KCNIP4: variants seen among roughly 807,000 people sequenced by gnomAD.
KCNIP4 encodes the protein Kv channel-interacting protein 4.
KCNIP4 carries 12 observed loss-of-function variants against 34.0 expected under a neutral mutation model. The ratio of observed to expected loss-of-function variants is 0.35; its 90% CI spans 0.23 to 0.57. The LOEUF (loss-of-function observed/expected upper bound fraction) is 0.57. KCNIP4 is among the 20% of genes least tolerant of loss of function. The pLI, the probability that KCNIP4 is intolerant of heterozygous loss-of-function variation, is 0.83. For synonymous variants in KCNIP4, 124 were observed against 102.2 expected, an observed-to-expected ratio of 1.21 and a Z score of -1.29; for missense variants, 238 against 311.7, an observed-to-expected ratio of 0.76 and a Z score of 1.78.
intron 1 of KCNIP4, among the ~76,000 whole-genome samples, chr4:21,779,273 G>T (rs536110575): frequency 3.3e-5 from 5 of 152,038 alleles, no homozygotes; most frequent in African/African-American, 1.2e-4. Context: ...AAAACAGGGC[G>T]GCAAGGATGA....
intron 3 of KCNIP4, among the ~76,000 whole-genome samples, chr4:20,805,842 A>G (rs1715008147): frequency 1.3e-5 from 2 of 152,210 alleles, no homozygotes; most frequent in South Asian, 2.1e-4. Flanking sequence ...ACCTGGTTCA[A>G]TAGTGGTATT....
At chr4:21,835,529 C>A (rs184860) in intron 1 of KCNIP4, among the ~76,000 whole-genome samples, 1 of 151,540 alleles carries the variant, frequency 6.6e-6, no homozygotes, top group African/African-American at 2.4e-5. Flanking sequence ...ATTAGGAGTG[C>A]GGAAAATGGT....
chr4:21,102,501 A>G (rs1180836310), intron 1 of KCNIP4, among the ~76,000 whole-genome samples: 1 of 152,164 alleles, frequency 6.6e-6, no homozygotes, highest in Non-Finnish European at 1.5e-5. Context: ...ACATAGAACC[A>G]TCTGGAATGC....
chr4:21,527,995 C>T (rs2108965316), intron 1 of KCNIP4, among the ~76,000 whole-genome samples: 1 of 152,220 alleles, frequency 6.6e-6, no homozygotes, highest in East Asian at 1.9e-4. Flanking sequence ...TTATGTATTC[C>T]TTACTTCCTG....
At chr4:21,575,093 A>G (rs1272099567) in intron 1 of KCNIP4, among the ~76,000 whole-genome samples, 1 of 152,196 alleles carries the variant, frequency 6.6e-6, no homozygotes, top group Non-Finnish European at 1.5e-5. Flanking sequence ...ATACTGCATA[A>G]CTTGTAAACA....
At position 21,259,918 on chromosome 4, in the gene KCNIP4, T is replaced by TGC. The variant is rs1159347869; in HGVS notation, c.62-377210_62-377209insGC. Among the ~76,000 whole-genome samples, 172 of 148,506 alleles carry TGC rather than the reference T, an allele frequency of 1.2e-3. 1 individual carries two copies. The highest frequency in any genetic ancestry group is 4.1e-3 in the African/African-American group (156 of 38,410). ...GTGTGTGTGTGTGTGTGTGTGTGTGTGTGCACGTGCGCTTATGTGCATTGT... is the reference window on the plus strand; with the variant it reads ...GTGTGTGTGTGTGTGTGTGTGTGTGTGCGTGCACGTGCGCTTATGTGCATTGT... On this transcript the variant is annotated intron_variant, in intron 1 of 8. Transcript: ENST00000382152.
intron 1 of KCNIP4, among the ~76,000 whole-genome samples, chr4:21,489,265 G>T (rs73252228): frequency 8.5e-6 from 1 of 117,878 alleles, no homozygotes; most frequent in Non-Finnish European, 1.7e-5. Flanking sequence ...GTAAAAGAAA[G>T]AAAGAAAAAG....
intron 1 of KCNIP4, among the ~76,000 whole-genome samples, chr4:21,638,747 C>T (rs1746403706): frequency 6.6e-6 from 1 of 152,312 alleles, no homozygotes; most frequent in South Asian, 2.1e-4. Flanking sequence ...TCTAGACACA[C>T]ATATTCTGTC....
chr4:21,587,273 A>G (rs570892325), intron 1 of KCNIP4, among the ~76,000 whole-genome samples: 1 of 152,180 alleles, frequency 6.6e-6, no homozygotes, highest in Admixed American at 6.6e-5. Flanking sequence ...CCATTTTCTC[A>G]TGTCAGAGAC....
chr4:21,262,829 G>A (rs1761558252), intron 1 of KCNIP4, among the ~76,000 whole-genome samples: 1 of 152,076 alleles, frequency 6.6e-6, no homozygotes, highest in South Asian at 2.1e-4. Context: ...GTTATATATT[G>A]AATTTCTTGT....
chr4:21,903,259 A>G (rs1444307224), intron 1 of KCNIP4, among the ~76,000 whole-genome samples: 1 of 152,110 alleles, frequency 6.6e-6, no homozygotes, highest in African/African-American at 2.4e-5. Flanking sequence ...TTTTTTTGAC[A>G]TGGATAATGC....
At chr4:20,868,286 T>C (rs376140693) in intron 2 of KCNIP4, among the ~76,000 whole-genome samples, 17 of 152,030 alleles carry the variant, frequency 1.1e-4, no homozygotes, top group African/African-American at 3.9e-4. Context: ...AAATCTAAAT[T>C]ACAATGAGAT....
chr4:21,802,520 A>C (rs1012856930), intron 1 of KCNIP4, among the ~76,000 whole-genome samples: 7 of 152,232 alleles, frequency 4.6e-5, no homozygotes, highest in African/African-American at 1.7e-4. Flanking sequence ...AGGCCAAAAA[A>C]TAATAAATTA....
chr4:21,499,883 AC>A (rs1410230509), intron 1 of KCNIP4, among the ~76,000 whole-genome samples: 1 of 152,188 alleles, frequency 6.6e-6, no homozygotes, highest in African/African-American at 2.4e-5. Flanking sequence ...CTGTTTATGC[AC>A]ATTTTATTAC....
intron 1 of KCNIP4, among the ~76,000 whole-genome samples, chr4:21,247,143 GT>G (rs1760265813): frequency 6.6e-6 from 1 of 152,124 alleles, no homozygotes; most frequent in Non-Finnish European, 1.5e-5. Context: ...GTTGGAAGAG[GT>G]TTTGTAGAGT....
chr4:21,693,119 G>T (rs2109047687), intron 1 of KCNIP4, among the ~76,000 whole-genome samples: 1 of 30,776 alleles, frequency 3.2e-5, no homozygotes, highest in Non-Finnish European at 8.4e-5. Context: ...CAGACAGAGT[G>T]GTGGCCTTGA....
At chr4:20,794,382 G>A (rs1261544222) in intron 3 of KCNIP4, among the ~76,000 whole-genome samples, 1 of 152,136 alleles carries the variant, frequency 6.6e-6, no homozygotes, top group African/African-American at 2.4e-5. Flanking sequence ...CCTGCTGGGT[G>A]GCCTGGTTCC....
At chr4:20,905,505 C>CTTTTTTTTTTTTT (rs1182454951) in intron 1 of KCNIP4, among the ~76,000 whole-genome samples, 63 of 37,012 alleles carry the variant, frequency 1.7e-3, no homozygotes, top group African/African-American at 3.9e-3. Flanking sequence ...TGAACGTTTT[C>CTTTTTTTTTTTTT]TTTCTTTTTT....
chr4:21,110,689 G>A (rs1026010551), intron 1 of KCNIP4, among the ~76,000 whole-genome samples: 1 of 152,166 alleles, frequency 6.6e-6, no homozygotes. Context: ...GAGGGTCTTT[G>A]AGAGGCAATT....
Sources: gnomAD v4.1 joint callset for allele counts (sites outside exome capture counted in the v4.1 genomes callset) on GRCh38, gnomAD v4.1.1 for gene constraint, MANE v1.5 for transcripts, NCBI Gene and HGNC (gene_info 2026-07-23, HGNC 2026-07-21) for gene names.